The following NAV1 variants were observed in gnomAD, a reference collection of about 807,000 sequenced individuals.
NAV1 encodes pore membrane and/or filament interacting like protein 3.
In NAV1, 18 loss-of-function variants were observed where a neutral mutation model predicts 175.2. The ratio of observed to expected loss-of-function variants is 0.10; its 90% CI spans 0.07 to 0.15. NAV1 has a LOEUF of 0.15. Ranked by LOEUF, NAV1 falls within the 10% of genes least tolerant of loss-of-function variation. The pLI, the probability that NAV1 is intolerant of heterozygous loss-of-function variation, is 1.00. For missense variants in NAV1, 1,731 were observed against 2,436.6 expected (o/e 0.71, Z 6.10); for synonymous variants, 897 against 978.7 (o/e 0.92, Z 1.56).
At chr1:201,678,027 C>A (rs1307313013) in intron 1 of NAV1, among the ~76,000 whole-genome samples, 2 of 152,182 alleles carry the variant, frequency 1.3e-5, no homozygotes, top group Admixed American at 1.3e-4. Flanking sequence ...AGTTTTGAAA[C>A]CTGGTGACCT....
At position 201,694,702 on chromosome 1, in the gene NAV1, C is replaced by T. The variant is rs1273832074; in HGVS notation, c.758-18115C>T. The stretch of plus-strand genomic sequence containing the variant: ...GTGTTCTCTGGGCTCTGTGTTCTGT[C>T]GGTTGCTTATTCATTGAAAGTCAGG... On this transcript the variant is annotated intron_variant, in intron 1 of 29. Transcript: ENST00000367296. The surrounding 1 kb of genome is among the most constrained non-coding windows in gnomAD (Gnocchi z 4.2). 1.3e-5 allele frequency among the ~76,000 whole-genome samples: 2 copies of T among 152,190 alleles called. No homozygotes were observed. The highest frequency in any genetic ancestry group is 3.8e-4 in the East Asian group (2 of 5,204).
At chr1:201,639,321 G>A (rs1668686303) in intron 2 of NAV1, among the ~76,000 whole-genome samples, 1 of 152,174 alleles carries the variant, frequency 6.6e-6, no homozygotes, top group Admixed American at 6.5e-5. Context: ...AGCCAGCGAG[G>A]TCATCAGGTC....
intron 10 of NAV1, among the ~76,000 whole-genome samples, chr1:201,789,003 A>G (rs1036879638): frequency 1.3e-5 from 2 of 152,206 alleles, no homozygotes; most frequent in African/African-American, 2.4e-5. Flanking sequence ...AAAAGAAAAC[A>G]GGACATAATA....
chr1:201,768,111 G>A (rs1675324845), intron 3 of NAV1, among the ~76,000 whole-genome samples: 1 of 152,038 alleles, frequency 6.6e-6, no homozygotes, highest in Non-Finnish European at 1.5e-5. Flanking sequence ...GATCACCTGA[G>A]GTCAGGAGTT....
chr1:201,720,063 G>A (rs531414146), intron 3 of NAV1, among the ~76,000 whole-genome samples: 1 of 152,356 alleles, frequency 6.6e-6, no homozygotes, highest in Admixed American at 6.5e-5. Flanking sequence ...TCGCGCTCAC[G>A]CTCAGATCCA....
Position 201,648,744 on chromosome 1 carries a change from G to T in NAV1, c.76G>T (p.Glu26Ter). ...CGGCGGCGGCGACGAGGGCGCGGAC[G>T]AACCGCGGGGCGCCGGCAGGAAGGC... The change falls in exon 1 of 30, where the codon GAA becomes TAA. Residue 26 changes from glutamate to a stop codon, truncating the protein, a stop_gained. Transcript: ENST00000367296. LOFTEE classifies it high-confidence loss of function. 1 of 1,407,548 alleles carries T rather than the reference G, an allele frequency of 7.1e-7. No homozygotes were observed. The allele number at this position is 1,407,548 out of a possible 1,614,324, so 87.2% of individuals were successfully genotyped here.
At chr1:201,820,008 C>T in exon 30 of NAV1, 1 of 1,370,180 alleles carries the variant, frequency 7.3e-7, no homozygotes, top group Non-Finnish European at 1.0e-6. Flanking sequence ...CTCCCCTCTC[C>T]TCTTTCAGAG....
At chr1:201,738,858 G>T (rs1673229288) in intron 3 of NAV1, among the ~76,000 whole-genome samples, 1 of 152,186 alleles carries the variant, frequency 6.6e-6, no homozygotes, top group South Asian at 2.1e-4. Flanking sequence ...GAAACTGCAG[G>T]TATAATTTGT....
intron 1 of NAV1, among the ~76,000 whole-genome samples, chr1:201,650,354 CGGCCATGCCTCGGGAACT>C (rs1669148588): frequency 6.6e-6 from 1 of 152,244 alleles, no homozygotes; most frequent in Non-Finnish European, 1.5e-5. Context: ...GGACGCCAGG[CGGCCATGCCTCGGGAACT>C]GGCACGGGCC....
upstream of NAV1, among the ~76,000 whole-genome samples, chr1:201,645,522 G>T: frequency 6.6e-6 from 1 of 151,816 alleles, no homozygotes; most frequent in Non-Finnish European, 1.5e-5. Context: ...TGCACCTTGT[G>T]CACATGTACC....
intron 3 of NAV1, among the ~76,000 whole-genome samples, chr1:201,743,338 G>A (rs923912176): frequency 6.6e-6 from 1 of 152,230 alleles, no homozygotes; most frequent in Admixed American, 6.5e-5. Flanking sequence ...TTGGAATGAG[G>A]TGAAAATTAT....
chr1:201,683,491 G>A lies in NAV1; in HGVS notation c.758-29326G>A, dbSNP rs545758208. Among the ~76,000 whole-genome samples, 27 of 152,140 alleles carry A rather than the reference G, an allele frequency of 1.8e-4. 1 individual carries two copies. The South Asian group carries it at 5.4e-3, about 30-fold the overall frequency. ...TGTGCACCCTAGATCCCTACAATGCGCAGTTCACAATAGGGTTCACCTTCC... is the reference window on the plus strand; with the variant it reads ...TGTGCACCCTAGATCCCTACAATGCACAGTTCACAATAGGGTTCACCTTCC... On this transcript the variant is annotated intron_variant, in intron 1 of 29. Coordinates refer to ENST00000367296, the Ensembl canonical transcript of NAV1.
chr1:201,664,757 G>T (rs974418856), intron 1 of NAV1, among the ~76,000 whole-genome samples: 1 of 152,142 alleles, frequency 6.6e-6, no homozygotes, highest in African/African-American at 2.4e-5. Context: ...GCCCCAGCCT[G>T]TTCTTCCTGA....
intron 1 of NAV1, among the ~76,000 whole-genome samples, chr1:201,661,968 C>T (rs746507180): frequency 9.9e-5 from 15 of 152,230 alleles, no homozygotes; most frequent in Non-Finnish European, 1.9e-4. Context: ...GGGTTAGGTA[C>T]TACTCTTATC....
chr1:201,684,169 A>G (rs1296313482), intron 1 of NAV1, among the ~76,000 whole-genome samples: 1 of 152,086 alleles, frequency 6.6e-6, no homozygotes, highest in Non-Finnish European at 1.5e-5. Flanking sequence ...CATTTTGCAC[A>G]TTCCCTGCCC....
intron 3 of NAV1, among the ~76,000 whole-genome samples, chr1:201,738,797 C>T (rs1444922704): frequency 6.6e-6 from 1 of 152,170 alleles, no homozygotes; most frequent in African/African-American, 2.4e-5. Context: ...CATCTTAGTT[C>T]AGCACTTTAG....
At chr1:201,588,452 A>G (rs1267073613) in intron 1 of NAV1, among the ~76,000 whole-genome samples, 87 bp from the exon 2 acceptor site, 1 of 152,004 alleles carries the variant, frequency 6.6e-6, no homozygotes, top group Non-Finnish European at 1.5e-5. Context: ...GGCTCAAGCG[A>G]TCCTCCCACC....
intron 1 of NAV1, among the ~76,000 whole-genome samples, chr1:201,704,381 C>G (rs969931744): frequency 2.6e-5 from 4 of 152,218 alleles, no homozygotes; most frequent in African/African-American, 4.8e-5. Flanking sequence ...GCAACGCCCC[C>G]TTGTGGCCAT....
chr1:201,648,155 C>A (rs2102329120), upstream of NAV1: 1 of 798,700 alleles, frequency 1.3e-6, no homozygotes, highest in African/African-American at 1.9e-5. Flanking sequence ...TTCCCCTTCC[C>A]TCCTTCCTCT....
Sources: gnomAD v4.1 joint callset for allele counts (sites outside exome capture counted in the v4.1 genomes callset) on GRCh38, gnomAD v4.1.1 for gene constraint, Gnocchi (gnomAD v3.1) non-coding constraint, MANE v1.5 for transcripts, NCBI Gene and HGNC (gene_info 2026-07-23, HGNC 2026-07-21) for gene names.